Variants in FBXL18 observed in about 807,000 individuals in gnomAD.
The protein encoded by FBXL18 is F-box/LRR-repeat protein 18.
In FBXL18, 36 loss-of-function variants were observed where a neutral mutation model predicts 46.0. The observed-to-expected ratio is 0.78, with a 90% CI of 0.60 to 1.03. FBXL18 has a LOEUF of 1.03. Ranked by LOEUF, FBXL18 falls within the 50% of genes least tolerant of loss-of-function variation. The pLI is 0.00. For missense variants in FBXL18, 977 were observed against 1,004.1 expected (o/e 0.97, Z 0.36); for synonymous variants, 557 against 465.3 (o/e 1.20, Z -2.54).
chr7:5,503,181 G>C (rs1470552816), intron 2 of FBXL18, among the ~76,000 whole-genome samples: 1 of 152,250 alleles, frequency 6.6e-6, no homozygotes, highest in East Asian at 1.9e-4. Flanking sequence ...AAGGGATGGA[G>C]ACCAGCTTGG....
intron 2 of FBXL18, 125 bp downstream of exon 2, chr7:5,505,287 C>CTGACTCCA: frequency 1.2e-6 from 1 of 863,170 alleles, no homozygotes; most frequent in Non-Finnish European, 1.8e-6. Flanking sequence ...CAGACGGCGC[C>CTGACTCCA]AGTCAGGACT....
At chr7:5,492,550 A>C (rs913123928) in intron 3 of FBXL18, among the ~76,000 whole-genome samples, 2 of 152,042 alleles carry the variant, frequency 1.3e-5, no homozygotes, top group South Asian at 4.1e-4. Context: ...GCCCCCCCAC[A>C]CACACACTAT....
chr7:5,485,511 A>C (rs1175886772), intron 4 of FBXL18, among the ~76,000 whole-genome samples: 3 of 152,164 alleles, frequency 2.0e-5, no homozygotes, highest in African/African-American at 7.2e-5. Context: ...GTGCAAAAAA[A>C]ATAAATAAAT....
At chr7:5,471,722 C>G (rs13233488), downstream of FBXL18, among the ~76,000 whole-genome samples, 131,854 of 152,204 alleles carry the variant, frequency 0.87, 57,253 homozygotes, top group East Asian at 0.93. Flanking sequence ...AAAGGCCAGG[C>G]GGCTTCACAC....
At chr7:5,484,225 T>C (rs1261453990) in intron 4 of FBXL18, among the ~76,000 whole-genome samples, 1 of 152,012 alleles carries the variant, frequency 6.6e-6, no homozygotes, top group Non-Finnish European at 1.5e-5. Flanking sequence ...CCCAGCACTT[T>C]GGGAGGCCAA....
At chr7:5,461,402 G>A (rs1023930506) in intron 4 of FBXL18, among the ~76,000 whole-genome samples, 7 of 151,982 alleles carry the variant, frequency 4.6e-5, no homozygotes, top group African/African-American at 1.7e-4. Flanking sequence ...TGATACAAAA[G>A]TAATTGTGAT....
intron 1 of FBXL18, among the ~76,000 whole-genome samples, chr7:5,508,336 A>C (rs1584245642): frequency 6.6e-6 from 1 of 151,566 alleles, no homozygotes; most frequent in African/African-American, 2.4e-5. Flanking sequence ...AATCCCAGCT[A>C]CTCAGGAGGC....
Position 5,500,490 on chromosome 7 carries a change from G to A in FBXL18, c.1779C>T (p.Leu593=). The A allele has an allele frequency of 6.3e-7, 1 of 1,597,016 alleles. No homozygotes were observed. The highest frequency in any genetic ancestry group is 1.1e-5 in the South Asian group (1 of 89,212). The change falls in exon 3 of 5, where the codon CTC becomes CTT. Residue 593 remains leucine (L), a splice_region_variant and synonymous_variant. Coordinates refer to ENST00000382368, the MANE Select transcript of FBXL18 (RefSeq NM_024963.6). ...AGAGGTCCCCGCGGCCCCCTCACCTGAGGTCCCTCAGCCGCTTGCAGTGCT... is the reference window on the plus strand; with the variant it reads ...AGAGGTCCCCGCGGCCCCCTCACCTAAGGTCCCTCAGCCGCTTGCAGTGCT... The part of the protein sequence containing the change: ...MLKHCKRLRD[L]RLEQPYFSAN...
chr7:5,513,638 A>T lies in FBXL18; in HGVS notation c.18+19T>A. 1 of 1,612,260 alleles carries T rather than the reference A, an allele frequency of 6.2e-7. No homozygotes were observed. Among genetic ancestry groups the T allele is most frequent in the Non-Finnish European group, 8.5e-7 (1 of 1,179,164 alleles). On this transcript the variant is annotated intron_variant, in intron 1 of 4. Transcript: ENST00000382368. Reference sequence around the variant, plus strand: ...GGCCGCCGAGGCAGAAGCAGAGCGGAGACAGTCGCGGACAGTACCTCTCCG... The same window carrying T: ...GGCCGCCGAGGCAGAAGCAGAGCGGTGACAGTCGCGGACAGTACCTCTCCG...
chr7:5,496,170 C>G lies in FBXL18; in HGVS notation c.1781+4318G>C, dbSNP rs762944929. On this transcript the variant is annotated intron_variant, in intron 3 of 4. Coordinates refer to ENST00000382368, the MANE Select transcript of FBXL18 (RefSeq NM_024963.6). The surrounding 1 kb of genome is among the most constrained non-coding windows in gnomAD (Gnocchi z 4.8). ...AAGTTCATGCACTCTCTGGGCCTTA[C>G]TTTCTTCATCCATTAAGTGGGTACA... Among the ~76,000 whole-genome samples, 1 of 152,186 alleles carries G rather than the reference C, an allele frequency of 6.6e-6. No homozygotes were observed. The highest frequency in any genetic ancestry group is 1.5e-5 in the Non-Finnish European group (1 of 68,028).
rs771902653 is a variant in FBXL18, at chr7:5,501,023, G to A, written c.1246C>T (p.Arg416Cys). Reference sequence around the variant, plus strand: ...GAGCAGACAGGCAGGGAGAGGGAGCGCAGGTGACGCAGCCGGGCCAGGAGC... The same window carrying A: ...GAGCAGACAGGCAGGGAGAGGGAGCACAGGTGACGCAGCCGGGCCAGGAGC... ...CQLLARLRHL[R>C]SLSLPVCSVA... The change falls in exon 3 of 5, where the codon CGC becomes TGC. Residue 416 changes from arginine to cysteine, a missense_variant. By Grantham distance (180) the Arg-to-Cys change is radical. Coordinates refer to ENST00000382368, the MANE Select transcript of FBXL18 (RefSeq NM_024963.6). 6 of 1,601,260 alleles carry A rather than the reference G, an allele frequency of 3.7e-6. No homozygotes were observed. The highest frequency in any genetic ancestry group is 2.7e-5 in the African/African-American group (2 of 74,910).
chr7:5,473,353 C>A (rs1449267639), downstream of FBXL18, among the ~76,000 whole-genome samples: 8 of 152,128 alleles, frequency 5.3e-5, no homozygotes, highest in Admixed American at 5.2e-4. Flanking sequence ...TGTCCCCATC[C>A]GGATCCTGGT....
In FBXL18 at chr7:5,501,425, G is replaced by C. The variant is rs965754905; in HGVS notation, c.844C>G (p.Leu282Val). 6.2e-7 allele frequency: 1 copy of C among 1,613,552 alleles called. No homozygotes were observed. The change falls in exon 3 of 5, where the codon CTC becomes GTC. Residue 282 changes from leucine to valine, a missense_variant. Physicochemically the swap from Leu to Val is conservative, Grantham distance 32. Coordinates refer to ENST00000382368, the MANE Select transcript of FBXL18 (RefSeq NM_024963.6). ...SFAESGATKN[L>V]LDSMARNVVL... Reference sequence around the variant, plus strand: ...ACATTGCGCGCCATGGAGTCCAGGAGGTTCTTGGTGGCGCCGCTCTCCGCG... The same window carrying C: ...ACATTGCGCGCCATGGAGTCCAGGACGTTCTTGGTGGCGCCGCTCTCCGCG...
At chr7:5,491,553 C>T in intron 3 of FBXL18, 104 bp from the exon 4 acceptor site, 2 of 986,358 alleles carry the variant, frequency 2.0e-6, no homozygotes, top group Non-Finnish European at 2.9e-6. Context: ...GGCCTGGGGC[C>T]CAGCCCAGCT....
rs777771408 is a variant in FBXL18, at chr7:5,501,468, G to A, written c.801C>T (p.Ile267=). Reference sequence around the variant, plus strand: ...TCTCCGCGAAGCTGCCAGGGACGGAGATGAGGAAGGCGTGGAGGTTCTGAG... The same window carrying A: ...TCTCCGCGAAGCTGCCAGGGACGGAAATGAGGAAGGCGTGGAGGTTCTGAG... ...RTPQNLHAFL[I]SVPGSFAESG... The change falls in exon 3 of 5, where the codon ATC becomes ATT. Residue 267 remains isoleucine (I), a synonymous_variant. Transcript: ENST00000382368. The A allele has an allele frequency of 2.5e-6, 4 of 1,613,776 alleles. No homozygotes were observed. The African/African-American group carries it at 5.3e-5, about 22-fold the overall frequency.
chr7:5,494,330 T>TG (rs1784016156), intron 3 of FBXL18, among the ~76,000 whole-genome samples: 1 of 150,844 alleles, frequency 6.6e-6, no homozygotes. Flanking sequence ...TCCCAGCTAC[T>TG]GGGGAGGCGA....
intron 4 of FBXL18, among the ~76,000 whole-genome samples, 162 bp downstream of exon 4, chr7:5,491,068 TG>T (rs1444547800): frequency 2.6e-5 from 4 of 152,224 alleles, no homozygotes; most frequent in Non-Finnish European, 5.9e-5. Flanking sequence ...GAGCAGAGGC[TG>T]GGCCGTGGGA....
intron 1 of FBXL18, 58 bp downstream of exon 1, chr7:5,513,599 C>T (rs1562712009): frequency 1.3e-6 from 2 of 1,597,394 alleles, no homozygotes; most frequent in South Asian, 2.2e-5. Context: ...GATGGAAGAA[C>T]CCAGGGAGAC....
At chr7:5,490,448 A>G (rs1783892605) in intron 4 of FBXL18, among the ~76,000 whole-genome samples, 2 of 152,202 alleles carry the variant, frequency 1.3e-5, no homozygotes, top group African/African-American at 4.8e-5. Context: ...CAGAGCATCA[A>G]ACTCCAGGAT....
Sources: allele counts gnomAD v4.1 joint callset (sites outside exome capture counted in the v4.1 genomes callset), GRCh38; gene constraint gnomAD v4.1.1; non-coding constraint Gnocchi (gnomAD v3.1); transcripts MANE v1.5; gene names NCBI Gene and HGNC (gene_info 2026-07-23, HGNC 2026-07-21).